The following CD226 variants were observed in gnomAD, a reference collection of about 807,000 sequenced individuals.
CD226 encodes CD226 molecule.
CD226 carries 24 observed loss-of-function variants against 34.9 expected under a neutral mutation model. The observed-to-expected ratio is 0.69, with a 90% CI of 0.50 to 0.97. The LOEUF is 0.97. Among genes scored for constraint, CD226 ranks in the 50% least tolerant of loss-of-function variants. CD226 has a pLI of 0.00. For synonymous variants in CD226, 148 were observed against 147.4 expected, an observed-to-expected ratio of 1.00 and a Z score of -0.03; for missense variants, 397 against 412.7, an observed-to-expected ratio of 0.96 and a Z score of 0.33.
At chr18:69,904,229 C>T (rs1012228459) in intron 2 of CD226, among the ~76,000 whole-genome samples, 1 of 152,186 alleles carries the variant, frequency 6.6e-6, no homozygotes, top group African/African-American at 2.4e-5. Context: ...AATGAAGGGA[C>T]TAGATTCAGG....
chr18:69,913,119 C>A (rs1299832913), intron 2 of CD226, among the ~76,000 whole-genome samples: 1 of 152,162 alleles, frequency 6.6e-6, no homozygotes, highest in Non-Finnish European at 1.5e-5. Flanking sequence ...GTGGGATAAA[C>A]GGGCTCTGGG....
At chr18:69,918,429 G>T (rs1259315969) in intron 2 of CD226, among the ~76,000 whole-genome samples, 1 of 152,060 alleles carries the variant, frequency 6.6e-6, no homozygotes, top group African/African-American at 2.4e-5. Context: ...GTGGTGGCAG[G>T]CACCTGTAAT....
At chr18:69,951,074 C>G (rs1313902645), upstream of CD226, among the ~76,000 whole-genome samples, 2 of 151,780 alleles carry the variant, frequency 1.3e-5, no homozygotes, top group Non-Finnish European at 1.5e-5. Context: ...TCAAGTGACC[C>G]TCCCACTTCA....
At chr18:69,941,276 G>T (rs1367477517) in intron 2 of CD226, among the ~76,000 whole-genome samples, 1 of 152,244 alleles carries the variant, frequency 6.6e-6, no homozygotes, top group Non-Finnish European at 1.5e-5. Context: ...GCACTGTCTA[G>T]TAGAGCTGTG....
At chr18:69,901,044 A>G (rs1318208481) in intron 2 of CD226, among the ~76,000 whole-genome samples, 1 of 152,196 alleles carries the variant, frequency 6.6e-6, no homozygotes, top group Admixed American at 6.5e-5. Flanking sequence ...CCTGATGCTA[A>G]TCAAGCCTCC....
intron 5 of CD226, among the ~76,000 whole-genome samples, chr18:69,865,024 G>A (rs888891028): frequency 1.6e-4 from 24 of 152,002 alleles, no homozygotes; most frequent in African/African-American, 4.6e-4. Context: ...TCAGAGTCTC[G>A]CTCTGTTGCC....
intron 2 of CD226, among the ~76,000 whole-genome samples, chr18:69,898,857 C>T (rs572903836): frequency 6.6e-6 from 1 of 152,224 alleles, no homozygotes; most frequent in East Asian, 1.9e-4. Flanking sequence ...CCCACACAAA[C>T]AAGAGAACCG....
rs73970290 is a variant in CD226 at position 69,868,807 on chromosome 18, A to G, written c.831-1396T>C. ...TGCGCACACGTGCGCGTGCACGCACACACACACACACACACACAGACACAC... is the reference window on the plus strand; with the variant it reads ...TGCGCACACGTGCGCGTGCACGCACGCACACACACACACACACAGACACAC... On this transcript the variant is annotated intron_variant, in intron 4 of 5. Transcript: ENST00000582621. Among the ~76,000 whole-genome samples, 964 of 151,014 alleles carry G rather than the reference A, an allele frequency of 6.4e-3. 13 individuals carry two copies. The highest frequency in any genetic ancestry group is 0.022 in the African/African-American group (907 of 40,766).
rs796781661 is a variant in CD226, at chr18:69,873,567, GA to G, written c.728-322del. ...AATCATATACACAAAACCTTTTGTA[GA>G]AAAAAAAAAACTATTAAAATAGGAA... is the stretch of plus-strand genomic sequence containing the variant. On this transcript the variant is annotated intron_variant, in intron 3 of 5. Coordinates refer to ENST00000582621, the MANE Select transcript of CD226 (RefSeq NM_001303618.2). 6.2e-3 allele frequency among the ~76,000 whole-genome samples: 903 copies of G among 146,056 alleles called. 8 individuals carry two copies. The highest frequency in any genetic ancestry group is 0.02 in the African/African-American group (798 of 40,164).
At chr18:69,916,936 G>C (rs1303260600) in intron 2 of CD226, among the ~76,000 whole-genome samples, 2 of 152,040 alleles carry the variant, frequency 1.3e-5, no homozygotes, top group African/African-American at 4.8e-5. Flanking sequence ...ATCAAGATTT[G>C]AAGCCAAGCT....
intron 3 of CD226, among the ~76,000 whole-genome samples, chr18:69,877,867 A>T (rs1381777873): frequency 6.6e-6 from 1 of 152,246 alleles, no homozygotes; most frequent in Non-Finnish European, 1.5e-5. Flanking sequence ...TAAAGCATGG[A>T]GTCAGGTAGA....
intron 2 of CD226, among the ~76,000 whole-genome samples, chr18:69,928,912 A>G (rs1025792882): frequency 6.6e-6 from 1 of 152,210 alleles, no homozygotes; most frequent in African/African-American, 2.4e-5. Flanking sequence ...GTTTGGCTGA[A>G]AAAAAGGAAT....
At chr18:69,939,533 AT>A (rs1294261545) in intron 2 of CD226, among the ~76,000 whole-genome samples, 1 of 152,078 alleles carries the variant, frequency 6.6e-6, no homozygotes. Flanking sequence ...GTTGTTACCA[AT>A]TTTTTGCTAT....
chr18:69,933,063 C>T (rs938339481), intron 2 of CD226, among the ~76,000 whole-genome samples: 1 of 152,164 alleles, frequency 6.6e-6, no homozygotes, highest in South Asian at 2.1e-4. Flanking sequence ...TGGGCTGCAC[C>T]GTGGGGGCAG....
At chr18:69,923,720 G>A (rs1420830853) in intron 2 of CD226, among the ~76,000 whole-genome samples, 2 of 152,098 alleles carry the variant, frequency 1.3e-5, no homozygotes, top group African/African-American at 4.8e-5. Context: ...TTGGGAGGCC[G>A]AGGCGGGCGG....
At chr18:69,942,021 C>T (rs2055731110) in intron 2 of CD226, among the ~76,000 whole-genome samples, 1 of 152,138 alleles carries the variant, frequency 6.6e-6, no homozygotes, top group South Asian at 2.1e-4. Flanking sequence ...GCTTTTCCCC[C>T]ACCTCACTCT....
intron 3 of CD226, among the ~76,000 whole-genome samples, chr18:69,893,676 G>A (rs1380169678): frequency 6.6e-6 from 1 of 152,184 alleles, no homozygotes; most frequent in African/African-American, 2.4e-5. Context: ...TGAAGGAACA[G>A]AGTCAACATT....
chr18:69,864,555 T>C, intron 5 of CD226, 116 bp from the exon 6 acceptor site: 1 of 993,846 alleles, frequency 1.0e-6, no homozygotes, highest in Non-Finnish European at 1.5e-6. Flanking sequence ...GTTTCCATTA[T>C]AATTAATTTG....
chr18:69,909,273 T>C (rs957493428), intron 2 of CD226, among the ~76,000 whole-genome samples: 1 of 152,204 alleles, frequency 6.6e-6, no homozygotes, highest in African/African-American at 2.4e-5. Context: ...ATTTAGTGAA[T>C]GATACCAGGA....
Sources: gnomAD v4.1 joint callset for allele counts (sites outside exome capture counted in the v4.1 genomes callset) on GRCh38, gnomAD v4.1.1 for gene constraint, MANE v1.5 for transcripts, NCBI Gene and HGNC (gene_info 2026-07-23, HGNC 2026-07-21) for gene names.